The following PTH2R variants were observed in gnomAD, a reference collection of about 807,000 sequenced individuals.
PTH2R encodes PTH2 receptor.
In PTH2R, 59 loss-of-function variants were observed where a neutral mutation model predicts 60.3. The ratio of observed to expected loss-of-function variants is 0.98; its 90% CI spans 0.79 to 1.22. PTH2R has a LOEUF of 1.22. PTH2R is among the 50% of genes most tolerant of loss of function. The probability of loss-of-function intolerance (pLI) is 0.00; values close to 1 mark genes in which losing one functional copy is unlikely to be tolerated. For missense variants in PTH2R, 749 were observed against 682.6 expected (o/e 1.10, Z -1.08); for synonymous variants, 256 against 243.8 (o/e 1.05, Z -0.47).
chr2:208,488,351 G>C (rs922488802), intron 10 of PTH2R, among the ~76,000 whole-genome samples: 1 of 152,028 alleles, frequency 6.6e-6, no homozygotes, highest in Non-Finnish European at 1.5e-5. Flanking sequence ...AAGAAACAAG[G>C]GAGTAATTGA....
intron 1 of PTH2R, among the ~76,000 whole-genome samples, chr2:208,372,546 A>G (rs2125870978): frequency 6.6e-6 from 1 of 152,202 alleles, no homozygotes; most frequent in Non-Finnish European, 1.5e-5. Flanking sequence ...TAGAATTGTT[A>G]AGTAATATAC....
chr2:208,494,289 T>C lies in PTH2R; in HGVS notation c.*630T>C, dbSNP rs376660251. 3 of 152,240 alleles carry C rather than the reference T, an allele frequency of 2.0e-5. No homozygotes were observed. Among genetic ancestry groups the C allele is most frequent in the East Asian group, 3.8e-4 (2 of 5,196 alleles). 9.4% of individuals were successfully genotyped at this position (152,240 alleles called of 1,614,324 possible). ...CACATCCCTTCTTTTGAATGGCCTC[T>C]TTGTGACCAGCCAGACCTCAGGTCT... On this transcript the variant is annotated 3_prime_UTR_variant, in exon 13 of 13. Coordinates refer to ENST00000272847, the MANE Select transcript of PTH2R (RefSeq NM_005048.4).
At chr2:208,439,305 A>G (rs1192604090) in intron 4 of PTH2R, among the ~76,000 whole-genome samples, 1 of 152,120 alleles carries the variant, frequency 6.6e-6, no homozygotes. Flanking sequence ...AGAAAATTTG[A>G]AGAATTGTGT....
intron 2 of PTH2R, among the ~76,000 whole-genome samples, chr2:208,432,525 GAACT>G (rs1701992718): frequency 6.6e-6 from 1 of 152,214 alleles, no homozygotes; most frequent in Admixed American, 6.5e-5. Flanking sequence ...CAGAGGAACA[GAACT>G]AATAGGATAT....
At chr2:208,459,501 A>T (rs780301513) in intron 8 of PTH2R, among the ~76,000 whole-genome samples, 4 of 152,140 alleles carry the variant, frequency 2.6e-5, no homozygotes, top group African/African-American at 9.7e-5. Context: ...AATTGCTGTA[A>T]TGTCTGTGAG....
chr2:208,451,746 G>A (rs1161550056), intron 8 of PTH2R, among the ~76,000 whole-genome samples: 1 of 152,136 alleles, frequency 6.6e-6, no homozygotes, highest in African/African-American at 2.4e-5. Context: ...GAGTCATTAA[G>A]TTCTTCCAGG....
At chr2:208,453,696 A>T (rs1702454088) in intron 8 of PTH2R, among the ~76,000 whole-genome samples, 1 of 152,124 alleles carries the variant, frequency 6.6e-6, no homozygotes, top group Non-Finnish European at 1.5e-5. Context: ...AGTTATAAGG[A>T]GGTGTGGTTT....
intron 9 of PTH2R, among the ~76,000 whole-genome samples, chr2:208,471,453 G>A (rs1361460150): frequency 6.6e-6 from 1 of 152,236 alleles, no homozygotes; most frequent in Non-Finnish European, 1.5e-5. Context: ...GCTGAAAGGG[G>A]CCAATGTAGA....
At chr2:208,431,481 T>A (rs766424053) in intron 2 of PTH2R, among the ~76,000 whole-genome samples, 52 of 152,268 alleles carry the variant, frequency 3.4e-4, no homozygotes, top group Non-Finnish European at 7.3e-5. Flanking sequence ...AGAAAATTTG[T>A]GTTTGCAACT....
At chr2:208,483,267 GC>G (rs971925021) in intron 10 of PTH2R, among the ~76,000 whole-genome samples, 34 of 152,146 alleles carry the variant, frequency 2.2e-4, no homozygotes, top group African/African-American at 7.7e-4. Context: ...AAAGGTCTAT[GC>G]TATACTAATA....
intron 4 of PTH2R, among the ~76,000 whole-genome samples, chr2:208,438,633 G>A (rs1447229187): frequency 6.6e-6 from 1 of 152,152 alleles, no homozygotes; most frequent in East Asian, 1.9e-4. Context: ...GACCTCGTGA[G>A]TAAAAATGCA....
intron 1 of PTH2R, among the ~76,000 whole-genome samples, chr2:208,397,370 T>C (rs1701230763): frequency 6.6e-6 from 1 of 152,152 alleles, no homozygotes; most frequent in Admixed American, 6.5e-5. Context: ...ACTCCCATAC[T>C]TACCACTCTG....
chr2:208,418,006 G>A (rs1039002341), intron 1 of PTH2R, among the ~76,000 whole-genome samples: 2 of 152,104 alleles, frequency 1.3e-5, no homozygotes, highest in Non-Finnish European at 2.9e-5. Flanking sequence ...AGAAAGCCAT[G>A]AGAATTTACT....
In PTH2R at chr2:208,407,056, G is replaced by A. The variant is rs754083848; in HGVS notation, c.13G>A (p.Gly5Arg). The change falls in exon 1 of 13, where the codon GGG becomes AGG. Residue 5 changes from glycine (G) to arginine (R), a missense_variant. Transcript: ENST00000272847. ...AGCCGTTCCGGGCATGGCCGGGCTG[G>A]GGGCGTCGCTCCACGTCTGGGGTTG... MAGL[G>R]ASLHVWGWLM... The A allele has an allele frequency of 2.0e-5, 28 of 1,394,584 alleles. No homozygotes were observed. The highest frequency in any genetic ancestry group is 2.6e-5 in the Non-Finnish European group (28 of 1,067,724). The allele number at this position is 1,394,584 out of a possible 1,614,324, so 86.4% of individuals were successfully genotyped here. A position where few individuals can be genotyped will look rare whatever the true frequency, so the allele number is the denominator to read the frequency against.
chr2:208,382,317 A>G (rs1013934498), intron 1 of PTH2R, among the ~76,000 whole-genome samples: 21 of 152,088 alleles, frequency 1.4e-4, no homozygotes, highest in Admixed American at 1.2e-3. Flanking sequence ...TCTCTTGGGT[A>G]AATATACGGG....
At chr2:208,372,858 G>T (rs1271660054) in intron 1 of PTH2R, among the ~76,000 whole-genome samples, 2 of 152,084 alleles carry the variant, frequency 1.3e-5, no homozygotes, top group Admixed American at 6.6e-5. Flanking sequence ...GCTGAGACAG[G>T]TGGATCGCCT....
intron 9 of PTH2R, among the ~76,000 whole-genome samples, chr2:208,478,261 T>C (rs1182596269): frequency 2.0e-5 from 3 of 152,212 alleles, no homozygotes; most frequent in African/African-American, 7.2e-5. Context: ...TCTTTTCTTT[T>C]TTTAGTGGCT....
chr2:208,425,087 G>A (rs913856546), intron 1 of PTH2R, among the ~76,000 whole-genome samples: 2 of 151,864 alleles, frequency 1.3e-5, no homozygotes, highest in Admixed American at 1.3e-4. Context: ...AAAACTAATG[G>A]GTTCATGAAG....
chr2:208,418,052 CACCAAGA>C (rs1291883782), intron 1 of PTH2R, among the ~76,000 whole-genome samples: 3 of 151,942 alleles, frequency 2.0e-5, no homozygotes, highest in Non-Finnish European at 4.4e-5. Context: ...TCAGTAATGT[CACCAAGA>C]ATGACATTAA....
Sources: gnomAD v4.1 joint callset for allele counts (sites outside exome capture counted in the v4.1 genomes callset) on GRCh38, gnomAD v4.1.1 for gene constraint, MANE v1.5 for transcripts, NCBI Gene and HGNC (gene_info 2026-07-23, HGNC 2026-07-21) for gene names.